Variants in EIF2A observed in about 807,000 individuals in gnomAD.
EIF2A encodes 65 kDa eukaryotic translation initiation factor 2A.
A neutral mutation model predicts 75.2 loss-of-function variants in EIF2A; 62 were observed. The observed-to-expected ratio is 0.82, with a 90% CI of 0.67 to 1.02. The LOEUF is 1.02. Among genes scored for constraint, EIF2A ranks in the 50% least tolerant of loss-of-function variants. EIF2A has a pLI of 0.00. For missense variants in EIF2A, 611 were observed against 677.7 expected (o/e 0.90, Z 1.09); for synonymous variants, 207 against 239.0 (o/e 0.87, Z 1.23).
At chr3:150,558,243 C>G in intron 2 of EIF2A, 145 bp from the exon 3 acceptor site, 1 of 628,894 alleles carries the variant, frequency 1.6e-6, no homozygotes, top group South Asian at 2.3e-5. Context: ...AGTATTTTGG[C>G]AGATGAAAGC....
In EIF2A at chr3:150,572,065, G is replaced by C; in HGVS notation, c.919G>C (p.Asp307His). Residue 307 changes from aspartate to histidine, a missense_variant, in exon 10 of 14, where the codon GAT becomes CAT. Coordinates refer to ENST00000460851, the MANE Select transcript of EIF2A (RefSeq NM_032025.5). Reference sequence around the variant, plus strand: ...AGCGACAATTTTCAACTTGAAATGTGATCCTGTATTTGACTTTGGAACTGG... The same window carrying C: ...AGCGACAATTTTCAACTTGAAATGTCATCCTGTATTTGACTTTGGAACTGG... ...AKATIFNLKC[D>H]PVFDFGTGPR... The C allele has an allele frequency of 6.2e-7, 1 of 1,613,988 alleles. No homozygotes were observed. The highest frequency in any genetic ancestry group is 8.5e-7 in the Non-Finnish European group (1 of 1,179,900).
chr3:150,579,324 G>A lies in EIF2A; in HGVS notation c.1498-2294G>A, dbSNP rs182919835. Among the ~76,000 whole-genome samples the A allele has an allele frequency of 3.9e-5, 6 of 152,074 alleles. No homozygotes were observed. In the East Asian group the frequency reaches 5.8e-4, roughly 15 times the overall value. ...GAGGAGAAACTTAATATTTTCTTTC[G>A]AATTCTCAAAGTGCCCAGTAATTTG... On this transcript the variant is annotated intron_variant, in intron 11 of 13. Coordinates refer to ENST00000460851, the MANE Select transcript of EIF2A (RefSeq NM_032025.5).
At chr3:150,577,707 C>T (rs185302849) in intron 11 of EIF2A, among the ~76,000 whole-genome samples, 1 of 152,104 alleles carries the variant, frequency 6.6e-6, no homozygotes. Flanking sequence ...AGGCGTGAGC[C>T]ACTGTGCCCA....
At chr3:150,547,792 T>C (rs779618226) in intron 1 of EIF2A, among the ~76,000 whole-genome samples, 25 of 152,212 alleles carry the variant, frequency 1.6e-4, no homozygotes, top group Non-Finnish European at 2.9e-4. Context: ...CCACTGATGC[T>C]CAGTCTGTCT....
intron 3 of EIF2A, among the ~76,000 whole-genome samples, chr3:150,561,619 T>C (rs908905153): frequency 2.5e-4 from 38 of 152,080 alleles, no homozygotes; most frequent in Admixed American, 7.9e-4. Context: ...CCATTTTCTC[T>C]AGCACCTCTG....
At chr3:150,549,109 C>G (rs1013781242) in intron 1 of EIF2A, among the ~76,000 whole-genome samples, 9 of 144,676 alleles carry the variant, frequency 6.2e-5, no homozygotes, top group Non-Finnish European at 1.1e-4. Context: ...CAAGCCAAAG[C>G]AGGTGAAAAA....
chr3:150,549,323 A>G (rs1723205635), intron 1 of EIF2A, among the ~76,000 whole-genome samples: 1 of 151,602 alleles, frequency 6.6e-6, no homozygotes, highest in African/African-American at 2.4e-5. Flanking sequence ...AGTGCAAGCA[A>G]TTCTTCTGCC....
At position 150,564,424 on chromosome 3, in the gene EIF2A, C is replaced by G. The variant is rs62269102; in HGVS notation, c.475+43C>G. 210,036 of 1,463,780 alleles carry G rather than the reference C, an allele frequency of 0.14. 16,727 individuals carry two copies. The highest frequency in any genetic ancestry group is 0.16 in the Non-Finnish European group (177,797 of 1,085,832). 90.7% of individuals were successfully genotyped at this position (1,463,780 alleles called of 1,614,324 possible). A position where few individuals can be genotyped will look rare whatever the true frequency, so the allele number is the denominator to read the frequency against. On this transcript the variant is annotated intron_variant, in intron 6 of 13. Transcript: ENST00000460851. ...ACATAATTTTATTACTTACTGTAAT[C>G]GTATACAGTTTCCATTAACTTTTAT...
Position 150,585,704 on chromosome 3 carries a change from C to T in EIF2A, c.*1793C>T, listed in dbSNP as rs1725441465. On this transcript the variant is annotated 3_prime_UTR_variant, in exon 14 of 14. Coordinates refer to ENST00000460851, the MANE Select transcript of EIF2A (RefSeq NM_032025.5). ...TATGGACAGGAAGTTAATAGACTGA[C>T]TGTGCCACCTTAAAACTCGTATGTT... 1.3e-5 allele frequency among the ~76,000 whole-genome samples: 2 copies of T among 152,210 alleles called. No homozygotes were observed. The highest frequency in any genetic ancestry group is 1.3e-4 in the Admixed American group (2 of 15,282).
chr3:150,577,116 CCTT>C (rs1724916329), intron 11 of EIF2A, among the ~76,000 whole-genome samples: 1 of 152,132 alleles, frequency 6.6e-6, no homozygotes, highest in Non-Finnish European at 1.5e-5. Flanking sequence ...ATAGATGGCA[CCTT>C]CTTTCTGTGT....
chr3:150,581,257 A>T (rs1353509121), intron 11 of EIF2A, among the ~76,000 whole-genome samples: 1 of 152,206 alleles, frequency 6.6e-6, no homozygotes. Context: ...GTACTTGATC[A>T]TACATATTCT....
intron 11 of EIF2A, among the ~76,000 whole-genome samples, chr3:150,580,942 C>T (rs1326904551): frequency 6.6e-6 from 1 of 152,170 alleles, no homozygotes; most frequent in African/African-American, 2.4e-5. Flanking sequence ...TTGTTTATTT[C>T]TGGGATTTTC....
At position 150,562,419 on chromosome 3, in the gene EIF2A, CAAAAA is replaced by C; in HGVS notation, c.174-114_174-110del. ...CCTGGGAGACAGCGAGACTCCATCT[CAAAAA>C]AAAAAAAAGTCAACATTTTGGAGTG... On this transcript the variant is annotated intron_variant, in intron 3 of 13. Coordinates refer to ENST00000460851, the MANE Select transcript of EIF2A (RefSeq NM_032025.5). 7.2e-6 allele frequency: 4 copies of C among 558,624 alleles called. 1 individual carries two copies. The South Asian group carries it at 8.9e-5, about 12-fold the overall frequency. The allele number at this position is 558,624 out of a possible 1,614,324, so 34.6% of individuals were successfully genotyped here.
rs141620057 is a variant in EIF2A, at chr3:150,581,851, T to C, written c.1626+105T>C. The C allele has an allele frequency of 2.3e-6, 3 of 1,312,452 alleles. No individual in the cohort carries two copies. The African/African-American group carries it at 4.5e-5, about 20-fold the overall frequency. The allele number at this position is 1,312,452 out of a possible 1,614,324, so 81.3% of individuals were successfully genotyped here. ...AAGACAGGTATCTAAGAAGTTGGTA[T>C]CAGCAGTTCTCATTGTTGTTTTCTC... On this transcript the variant is annotated intron_variant, in intron 12 of 13. Transcript: ENST00000460851.
At chr3:150,553,489 A>G (rs1431965782) in intron 2 of EIF2A, among the ~76,000 whole-genome samples, 1 of 151,316 alleles carries the variant, frequency 6.6e-6, no homozygotes, top group East Asian at 1.9e-4. Context: ...GCTTAATGCA[A>G]CCTCTGCCCC....
intron 12 of EIF2A, among the ~76,000 whole-genome samples, chr3:150,582,636 AT>A (rs1175909536): frequency 6.6e-6 from 1 of 152,090 alleles, no homozygotes; most frequent in African/African-American, 2.4e-5. Context: ...TATACTCAGT[AT>A]TTCATTAGAT....
chr3:150,583,755 A>T, intron 13 of EIF2A, 91 bp from the exon 14 acceptor site: 4 of 1,204,838 alleles, frequency 3.3e-6, no homozygotes, highest in Non-Finnish European at 3.6e-6. Flanking sequence ...TGAACATAAT[A>T]AATTGTCAGA....
intron 10 of EIF2A, among the ~76,000 whole-genome samples, chr3:150,573,751 G>A (rs1276270678): frequency 6.6e-6 from 1 of 152,116 alleles, no homozygotes; most frequent in African/African-American, 2.4e-5. Context: ...AACAAAGACA[G>A]TGTAGTAGAT....
intron 12 of EIF2A, 117 bp from the exon 13 acceptor site, chr3:150,583,083 G>A (rs1725281607): frequency 1.2e-6 from 1 of 849,230 alleles, no homozygotes; most frequent in South Asian, 1.9e-5. Context: ...ACAGACCATT[G>A]TTGATACAAA....
Sources: allele counts gnomAD v4.1 joint callset (sites outside exome capture counted in the v4.1 genomes callset), GRCh38; gene constraint gnomAD v4.1.1; transcripts MANE v1.5; gene names NCBI Gene and HGNC (gene_info 2026-07-23, HGNC 2026-07-21).